The following FNIP1 variants were observed in gnomAD, a reference collection of about 807,000 sequenced individuals.
The protein encoded by FNIP1 is folliculin-interacting protein 1.
A neutral mutation model predicts 124.5 loss-of-function variants in FNIP1; 40 were observed. The observed-to-expected ratio is 0.32, with a 90% CI of 0.25 to 0.42. The LOEUF is 0.42. FNIP1 is among the 10% of genes least tolerant of loss of function. The pLI is 1.00. For missense variants in FNIP1, 1,176 were observed against 1,403.7 expected (o/e 0.84, Z 2.59); for synonymous variants, 472 against 470.6 (o/e 1.00, Z -0.04).
intron 2 of FNIP1, among the ~76,000 whole-genome samples, chr5:131,738,596 A>G (rs893548876): frequency 2.6e-5 from 4 of 151,972 alleles, no homozygotes; most frequent in Non-Finnish European, 5.9e-5. Flanking sequence ...GCCTCCTGGG[A>G]TCAAGCAATT....
chr5:131,653,921 T>C (rs914906216), intron 15 of FNIP1, among the ~76,000 whole-genome samples: 2 of 152,154 alleles, frequency 1.3e-5, no homozygotes, highest in Admixed American at 6.5e-5. Flanking sequence ...TTTGTACTTT[T>C]AGTAGAGACA....
rs530446354 is a variant in FNIP1, at chr5:131,734,785, C to T, written c.220-3747G>A. 1.6e-3 allele frequency among the ~76,000 whole-genome samples: 242 copies of T among 152,170 alleles called. 1 individual carries two copies. The highest frequency in any genetic ancestry group is 4.4e-3 in the African/African-American group (182 of 41,538). On this transcript the variant is annotated intron_variant, in intron 2 of 17. Transcript: ENST00000510461. Reference sequence around the variant, plus strand: ...AGATATCTCACACCAGTTAGAATGGCGATCATTAAAAAGTCAGGAAACAAC... The same window carrying T: ...AGATATCTCACACCAGTTAGAATGGTGATCATTAAAAAGTCAGGAAACAAC...
intron 6 of FNIP1, among the ~76,000 whole-genome samples, chr5:131,715,502 CA>C (rs927094144): frequency 1.3e-5 from 2 of 151,348 alleles, no homozygotes; most frequent in East Asian, 1.9e-4. Context: ...CAAAAACAAA[CA>C]AAAAAAACCC....
intron 1 of FNIP1, among the ~76,000 whole-genome samples, chr5:131,761,310 A>C (rs1315996379): frequency 1.3e-5 from 2 of 152,160 alleles, no homozygotes; most frequent in Non-Finnish European, 2.9e-5. Context: ...AGGGCATACA[A>C]ATTGGAAAGG....
Position 131,672,285 on chromosome 5 carries a change from T to C in FNIP1, c.2159A>G (p.Lys720Arg). 6.2e-7 allele frequency: 1 copy of C among 1,614,218 alleles called. No individual in the cohort carries two copies. The highest frequency in any genetic ancestry group is 1.3e-5 in the African/African-American group (1 of 75,058). ...KLLDSDSHTGKAMRSTGMVVE... is the reference protein window; with the variant it reads ...KLLDSDSHTGRAMRSTGMVVE... ...AACCATTCCTGTGGATCTCATTGCTTTGCCTGTGTGACTGTCTGAATCCAG... is the reference window on the plus strand; with the variant it reads ...AACCATTCCTGTGGATCTCATTGCTCTGCCTGTGTGACTGTCTGAATCCAG... Residue 720 changes from lysine (K) to arginine (R), a missense_variant, in exon 14 of 18, where the codon AAA (lysine) becomes AGA (arginine). Coordinates refer to ENST00000510461, the MANE Select transcript of FNIP1 (RefSeq NM_133372.3).
intron 2 of FNIP1, 128 bp from the exon 3 acceptor site, chr5:131,731,166 T>C (rs1049564862): frequency 7.8e-6 from 6 of 769,104 alleles, no homozygotes; most frequent in South Asian, 2.1e-5. Context: ...AATATGGCTA[T>C]TGGCATTTTG....
In FNIP1 at chr5:131,647,191, A is replaced by C; in HGVS notation, c.3321T>G (p.Leu1107=). Residue 1107 remains leucine (L), a synonymous_variant, in exon 17 of 18, where the codon CTT becomes CTG. Coordinates refer to ENST00000510461, the MANE Select transcript of FNIP1 (RefSeq NM_133372.3). ...AGTATAGCTCCTGCAACCGGTCTTC[A>C]AGATGCATTACACACTGCAGTTAGG... ...NLSPNFCVMH[L]EDRLQELYFK... 1.9e-6 allele frequency: 3 copies of C among 1,614,046 alleles called. No individual in the cohort carries two copies. The highest frequency in any genetic ancestry group is 2.5e-6 in the Non-Finnish European group (3 of 1,179,914).
intron 1 of FNIP1, chr5:131,796,617 G>A (rs998163240): frequency 2.4e-4 from 139 of 570,842 alleles, no homozygotes; most frequent in Non-Finnish European, 3.6e-4. Flanking sequence ...AGGGGGAAGG[G>A]GCAACGGCGA....
At chr5:131,774,773 T>C (rs1036089048) in intron 1 of FNIP1, among the ~76,000 whole-genome samples, 1 of 152,196 alleles carries the variant, frequency 6.6e-6, no homozygotes, top group Non-Finnish European at 1.5e-5. Flanking sequence ...AGTATATATC[T>C]GAAATATTTT....
chr5:131,783,465 A>C (rs957457640), intron 1 of FNIP1, among the ~76,000 whole-genome samples: 6 of 151,972 alleles, frequency 3.9e-5, no homozygotes, highest in South Asian at 2.1e-4. Context: ...AAAAAAAAAA[A>C]CAAGAAATTT....
In FNIP1 at chr5:131,671,854, A is replaced by T. The variant is rs1767762675; in HGVS notation, c.2590T>A (p.Cys864Ser). The change falls in exon 14 of 18, where the codon TGC becomes AGC. Residue 864 changes from cysteine to serine, a missense_variant. Cys to Ser is a moderately radical substitution (Grantham distance 112, BLOSUM62 -1). This residue lies in a region of FNIP1 where 1,109 missense variants were observed against 1,288.5 expected (regional missense o/e 0.86). Coordinates refer to ENST00000510461, the MANE Select transcript of FNIP1 (RefSeq NM_133372.3). ...FKTSTDSKDH[C>S]CMLEFSKILC... ...ATTTTTGAAAACTCTAACATACAGC[A>T]ATGGTCTTTACTATCTGTACTTGTT... is the stretch of plus-strand genomic sequence containing the variant. 1 of 1,614,046 alleles carries T rather than the reference A, an allele frequency of 6.2e-7. No individual in the cohort carries two copies. Among genetic ancestry groups the T allele is most frequent in the Non-Finnish European group, 8.5e-7 (1 of 1,179,976 alleles).
chr5:131,796,998 C>G lies in FNIP1; in HGVS notation c.-77G>C, dbSNP rs915125593. The G allele has an allele frequency of 5.7e-5, 76 of 1,326,146 alleles. No individual in the cohort carries two copies. In the East Asian group the frequency reaches 1.8e-3, roughly 31 times the overall value. The allele number at this position is 1,326,146 out of a possible 1,614,324, so 82.1% of individuals were successfully genotyped here. On this transcript the variant is annotated 5_prime_UTR_variant, in exon 1 of 18. An upstream start codon of the reference 5' UTR is lost. Transcript: ENST00000510461. ...GCTCCTACAGCCGCCCCGCCACCCC[C>G]ATGGGCGCCTCAGTCATATGACAGA...
At chr5:131,724,814 T>C (rs987239568) in intron 3 of FNIP1, among the ~76,000 whole-genome samples, 5 of 152,238 alleles carry the variant, frequency 3.3e-5, no homozygotes, top group Non-Finnish European at 7.3e-5. Flanking sequence ...GGTTTTCTTC[T>C]AGGGTTTTTA....
In FNIP1 at chr5:131,697,600, G is replaced by A. The variant is rs184773757; in HGVS notation, c.1202+1317C>T. Reference sequence around the variant, plus strand: ...AACACTAAATTTAAAAAGTATACATGATATATAAATTTGGCAAAATTGTTA... The same window carrying A: ...AACACTAAATTTAAAAAGTATACATAATATATAAATTTGGCAAAATTGTTA... On this transcript the variant is annotated intron_variant, in intron 11 of 17. Transcript: ENST00000510461. 9.2e-5 allele frequency among the ~76,000 whole-genome samples: 14 copies of A among 152,124 alleles called. No individual in the cohort carries two copies. The East Asian group carries it at 2.5e-3, about 27-fold the overall frequency.
At chr5:131,786,609 T>A (rs754288351) in intron 1 of FNIP1, among the ~76,000 whole-genome samples, 2 of 152,248 alleles carry the variant, frequency 1.3e-5, no homozygotes, top group Non-Finnish European at 2.9e-5. Flanking sequence ...TGTCAGAGAC[T>A]GAATCCTCAA....
chr5:131,741,105 C>T (rs1405672612), intron 2 of FNIP1, among the ~76,000 whole-genome samples: 3 of 152,112 alleles, frequency 2.0e-5, no homozygotes, highest in Non-Finnish European at 4.4e-5. Flanking sequence ...TTCTTTATTC[C>T]TTTACTTTCT....
intron 8 of FNIP1, among the ~76,000 whole-genome samples, chr5:131,708,614 TC>T (rs1769191892): frequency 6.6e-6 from 1 of 152,170 alleles, no homozygotes; most frequent in South Asian, 2.1e-4. Context: ...CGCAGGCCTA[TC>T]ACTAAATGCA....
At chr5:131,777,573 A>G (rs1322626269) in intron 1 of FNIP1, among the ~76,000 whole-genome samples, 1 of 152,188 alleles carries the variant, frequency 6.6e-6, no homozygotes, top group Non-Finnish European at 1.5e-5. Context: ...ATCAAATACT[A>G]AAAAAACAAA....
chr5:131,703,886 T>C (rs945010732), intron 10 of FNIP1, among the ~76,000 whole-genome samples, 179 bp downstream of exon 10: 1 of 152,218 alleles, frequency 6.6e-6, no homozygotes, highest in Non-Finnish European at 1.5e-5. Context: ...AATGATCTTA[T>C]ATCTTTTACT....
Sources: gnomAD v4.1 joint callset for allele counts (sites outside exome capture counted in the v4.1 genomes callset) on GRCh38, gnomAD v4.1.1 for gene constraint, gnomAD v4.1.1 regional missense constraint, MANE v1.5 for transcripts, NCBI Gene and HGNC (gene_info 2026-07-23, HGNC 2026-07-21) for gene names.